FIGN: variants seen among roughly 807,000 people sequenced by gnomAD.
FIGN encodes fidgetin, microtubule severing factor.
A neutral mutation model predicts 51.3 loss-of-function variants in FIGN; 11 were observed. That is an observed-to-expected ratio of 0.21 (90% CI 0.13 to 0.35). FIGN has a LOEUF of 0.35. Ranked by LOEUF, FIGN falls within the 10% of genes least tolerant of loss-of-function variation. The probability of loss-of-function intolerance (pLI) is 1.00; values close to 1 mark genes in which losing one functional copy is unlikely to be tolerated. For missense variants in FIGN, 857 were observed against 943.6 expected, an observed-to-expected ratio of 0.91 and a Z score of 1.20; for synonymous variants, 407 against 363.2, an observed-to-expected ratio of 1.12 and a Z score of -1.37.
At chr2:163,637,674 T>C (rs1296882956) in intron 2 of FIGN, among the ~76,000 whole-genome samples, 2 of 152,200 alleles carry the variant, frequency 1.3e-5, no homozygotes, top group East Asian at 3.9e-4. Flanking sequence ...TAACTTTTTT[T>C]TTTTTTGCTA....
At chr2:163,684,973 G>T (rs1684123872) in intron 2 of FIGN, among the ~76,000 whole-genome samples, 1 of 144,714 alleles carries the variant, frequency 6.9e-6, no homozygotes, top group Non-Finnish European at 1.5e-5. Context: ...TTTTAGTAGA[G>T]ACAAGGTTTT....
intron 2 of FIGN, among the ~76,000 whole-genome samples, chr2:163,716,935 T>A (rs1016412558): frequency 3.3e-5 from 5 of 152,186 alleles, no homozygotes. Context: ...AGCCTGTTTT[T>A]CCAAGTTATC....
intron 2 of FIGN, among the ~76,000 whole-genome samples, chr2:163,705,280 T>C (rs1018820653): frequency 6.6e-5 from 10 of 152,214 alleles, no homozygotes; most frequent in Non-Finnish European, 1.5e-4. Flanking sequence ...TTCAACACTC[T>C]TCGTTGCACA....
chr2:163,651,517 T>C (rs1251178287), intron 2 of FIGN, among the ~76,000 whole-genome samples: 1 of 152,318 alleles, frequency 6.6e-6, no homozygotes, highest in Non-Finnish European at 1.5e-5. Flanking sequence ...ATCAGTAATT[T>C]AGGAAATGCA....
chr2:163,629,774 AC>A (rs1573914034), intron 2 of FIGN, among the ~76,000 whole-genome samples: 3 of 152,148 alleles, frequency 2.0e-5, no homozygotes, highest in South Asian at 2.1e-4. Context: ...CAGGAAGTCT[AC>A]CAATCCTTGC....
In FIGN at chr2:163,662,204, G is replaced by A. The variant is rs559229519; in HGVS notation, c.26-50398C>T. The stretch of plus-strand genomic sequence containing the variant: ...GATGAGGAACTTGTTGGGAACTGGA[G>A]TAAAGGTGAATCTTGTTATGTTTTA... On this transcript the variant is annotated intron_variant, in intron 2 of 2. Transcript: ENST00000333129. Among the ~76,000 whole-genome samples, 4 of 152,274 alleles carry A rather than the reference G, an allele frequency of 2.6e-5. No homozygotes were observed. In the South Asian group the frequency reaches 8.3e-4, roughly 32 times the overall value.
At position 163,611,502 on chromosome 2, in the gene FIGN, C is replaced by T. The variant is rs1558995091; in HGVS notation, c.330G>A (p.Gln110=). 2 of 1,614,188 alleles carry T rather than the reference C, an allele frequency of 1.2e-6. No homozygotes were observed. Among genetic ancestry groups the T allele is most frequent in the East Asian group, 4.5e-5 (2 of 44,868 alleles). The change falls in exon 3 of 3, where the codon CAG becomes CAA. Residue 110 remains glutamine (Q), a synonymous_variant. Coordinates refer to ENST00000333129, the MANE Select transcript of FIGN (RefSeq NM_018086.4). ...NGRKNESEPW[Q]PSLNSEAVYP... ...AAACAGCTTCTGAATTCAAGGAAGG[C>T]TGCCAGGGTTCACTTTCATTTTTCC... is the stretch of plus-strand genomic sequence containing the variant.
intron 2 of FIGN, among the ~76,000 whole-genome samples, chr2:163,618,285 A>AATTATATAAC (rs1209160570): frequency 1.3e-5 from 2 of 152,182 alleles, no homozygotes; most frequent in Non-Finnish European, 2.9e-5. Context: ...AAGATATTCT[A>AATTATATAAC]ATTATATAAC....
At chr2:163,647,812 G>A (rs1035041286) in intron 2 of FIGN, among the ~76,000 whole-genome samples, 3 of 152,184 alleles carry the variant, frequency 2.0e-5, no homozygotes, top group African/African-American at 7.2e-5. Context: ...AGATGTATAT[G>A]TATGTATGTG....
At chr2:163,627,690 T>C (rs1683073857) in intron 2 of FIGN, among the ~76,000 whole-genome samples, 1 of 152,138 alleles carries the variant, frequency 6.6e-6, no homozygotes, top group South Asian at 2.1e-4. Context: ...TTCTTACCCG[T>C]TACCAGTTTC....
At position 163,611,325 on chromosome 2, in the gene FIGN, T is replaced by C; in HGVS notation, c.507A>G (p.Gly169=). 6.2e-7 allele frequency: 1 copy of C among 1,614,152 alleles called. No homozygotes were observed. The highest frequency in any genetic ancestry group is 8.5e-7 in the Non-Finnish European group (1 of 1,180,026). Residue 169 remains glycine (G), a synonymous_variant, in exon 3 of 3, where the codon GGA becomes GGG. Transcript: ENST00000333129. ...CATGAAGACTGGGTACAGTGTGGCTTCCACAGGTACTACTTGAATAACTAG... is the reference window on the plus strand; with the variant it reads ...CATGAAGACTGGGTACAGTGTGGCTCCCACAGGTACTACTTGAATAACTAG... ...TEPSYSSSTC[G]SHTVPSLHAG... is the part of the protein sequence containing the mutation.
chr2:163,698,190 C>A (rs1341580627), intron 2 of FIGN, among the ~76,000 whole-genome samples: 1 of 152,128 alleles, frequency 6.6e-6, no homozygotes, highest in African/African-American at 2.4e-5. Context: ...CCAACATATA[C>A]GGGTTTTGGT....
At position 163,611,234 on chromosome 2, in the gene FIGN, T is replaced by C; in HGVS notation, c.598A>G (p.Ser200Gly). ...GAAGGAAGTGCAGGTGCTGGCTGGCTACTATAAGTAGAATGCAAATATGAT... is the reference window on the plus strand; with the variant it reads ...GAAGGAAGTGCAGGTGCTGGCTGGCCACTATAAGTAGAATGCAAATATGAT... ...NGSYLHSTYS[S>G]QPAPALPSPH... is the part of the protein sequence containing the mutation. The change falls in exon 3 of 3, where the codon AGC becomes GGC. Residue 200 changes from serine to glycine, a missense_variant. Transcript: ENST00000333129. 1.2e-6 allele frequency: 2 copies of C among 1,614,116 alleles called. No homozygotes were observed. The highest frequency in any genetic ancestry group is 1.7e-6 in the Non-Finnish European group (2 of 1,180,004).
At chr2:163,670,789 T>C (rs373746075) in intron 2 of FIGN, among the ~76,000 whole-genome samples, 5 of 152,214 alleles carry the variant, frequency 3.3e-5, no homozygotes, top group South Asian at 4.1e-4. Flanking sequence ...TTTAATATCT[T>C]CCTCAAAATA....
chr2:163,651,556 T>C (rs1461572893), intron 2 of FIGN, among the ~76,000 whole-genome samples: 1 of 152,196 alleles, frequency 6.6e-6, no homozygotes, highest in Non-Finnish European at 1.5e-5. Context: ...TACAGAGCTG[T>C]GAGATTGTCT....
At chr2:163,706,396 G>C (rs1684500035) in intron 2 of FIGN, among the ~76,000 whole-genome samples, 1 of 152,032 alleles carries the variant, frequency 6.6e-6, no homozygotes, top group Non-Finnish European at 1.5e-5. Flanking sequence ...CGGCTTAATA[G>C]TTTTACTTAA....
At chr2:163,670,917 G>A (rs536032261) in intron 2 of FIGN, among the ~76,000 whole-genome samples, 6 of 152,260 alleles carry the variant, frequency 3.9e-5, no homozygotes, top group African/African-American at 1.2e-4. Context: ...CTGTATTTCT[G>A]TTTATTTTTG....
intron 2 of FIGN, among the ~76,000 whole-genome samples, chr2:163,653,524 T>C (rs1246875679): frequency 1.3e-5 from 2 of 152,120 alleles, no homozygotes; most frequent in Non-Finnish European, 2.9e-5. Context: ...GGGAAAGTTA[T>C]GTGACAATAA....
At position 163,611,889 on chromosome 2, in the gene FIGN, AC is replaced by A. The variant is rs201681537; in HGVS notation, c.26-84del. ...AGCTTTTCCCCCAATTTCTTTTGTTACCTATTATTTTCCATTAATGATATGC... is the reference window on the plus strand; with the variant it reads ...AGCTTTTCCCCCAATTTCTTTTGTTACTATTATTTTCCATTAATGATATGC... On this transcript the variant is annotated intron_variant, in intron 2 of 2. Transcript: ENST00000333129. 10,185 of 1,198,414 alleles carry A rather than the reference AC, an allele frequency of 8.5e-3. 79 individuals carry two copies. Among genetic ancestry groups the A allele is most frequent in the Non-Finnish European group, 0.01 (8,748 of 865,970 alleles). 74.2% of individuals were successfully genotyped at this position (1,198,414 alleles called of 1,614,324 possible).
Sources: allele counts gnomAD v4.1 joint callset (sites outside exome capture counted in the v4.1 genomes callset), GRCh38; gene constraint gnomAD v4.1.1; transcripts MANE v1.5; gene names NCBI Gene and HGNC (gene_info 2026-07-23, HGNC 2026-07-21).